The following ASTN2 variants were observed in gnomAD, a reference collection of about 807,000 sequenced individuals.
The protein encoded by ASTN2 is astrotactin-2.
ASTN2 carries 54 observed loss-of-function variants against 139.8 expected under a neutral mutation model. The observed-to-expected ratio is 0.39, with a 90% CI of 0.31 to 0.48. The LOEUF is 0.48. Among genes scored for constraint, ASTN2 ranks in the 20% least tolerant of loss-of-function variants. The probability of loss-of-function intolerance (pLI) is 0.95; values close to 1 mark genes in which losing one functional copy is unlikely to be tolerated. For missense variants in ASTN2, 1,565 were observed against 1,725.1 expected (o/e 0.91, Z 1.64); for synonymous variants, 756 against 719.5 (o/e 1.05, Z -0.81).
At chr9:116,664,269 C>T (rs982526173) in intron 16 of ASTN2, among the ~76,000 whole-genome samples, 1 of 151,696 alleles carries the variant, frequency 6.6e-6, no homozygotes, top group Non-Finnish European at 1.5e-5. Context: ...AATATAGGCA[C>T]AGGGCCTCAC....
chr9:117,366,702 T>C (rs1280553991), intron 1 of ASTN2, among the ~76,000 whole-genome samples: 3 of 152,122 alleles, frequency 2.0e-5, no homozygotes, highest in Non-Finnish European at 4.4e-5. Flanking sequence ...GGCTGCCCAC[T>C]GTGCCGCCCT....
chr9:116,883,202 G>C (rs12336175), intron 10 of ASTN2, among the ~76,000 whole-genome samples: 2 of 152,088 alleles, frequency 1.3e-5, no homozygotes, highest in African/African-American at 4.8e-5. Flanking sequence ...TCCTGTGAAA[G>C]TTTAAAATCA....
chr9:117,246,886 C>T (rs1833398098), intron 2 of ASTN2, among the ~76,000 whole-genome samples: 1 of 152,092 alleles, frequency 6.6e-6, no homozygotes, highest in East Asian at 1.9e-4. Flanking sequence ...CTATGAGCTC[C>T]TAGAATGGAG....
At chr9:117,328,305 T>C (rs1346741305) in intron 1 of ASTN2, among the ~76,000 whole-genome samples, 3 of 152,012 alleles carry the variant, frequency 2.0e-5, no homozygotes, top group East Asian at 3.9e-4. Flanking sequence ...CAGAGGAAGA[T>C]AGTATAGAAT....
chr9:116,883,166 A>G (rs556705136), intron 10 of ASTN2, among the ~76,000 whole-genome samples: 121 of 152,360 alleles, frequency 7.9e-4, no homozygotes, highest in Middle Eastern at 3.4e-3. Context: ...GATCATCAAC[A>G]TATGGTTCAT....
intron 10 of ASTN2, among the ~76,000 whole-genome samples, chr9:116,898,510 A>G (rs1313600662): frequency 1.3e-5 from 2 of 152,160 alleles, no homozygotes; most frequent in Non-Finnish European, 2.9e-5. Flanking sequence ...TTCAGTTCCA[A>G]GATTGACAAA....
intron 19 of ASTN2, among the ~76,000 whole-genome samples, chr9:116,576,022 A>T (rs1303141406): frequency 1.3e-5 from 2 of 152,188 alleles, no homozygotes; most frequent in African/African-American, 4.8e-5. Flanking sequence ...ACAAAGTAGC[A>T]GAATTATAAG....
chr9:116,976,274 T>C, intron 8 of ASTN2, 86 bp from the exon 9 acceptor site: 2 of 1,066,564 alleles, frequency 1.9e-6, no homozygotes, highest in Non-Finnish European at 2.9e-6. Flanking sequence ...AGAGTAGCTT[T>C]ACAAACAACC....
At chr9:116,967,950 G>A (rs1358825962) in intron 10 of ASTN2, among the ~76,000 whole-genome samples, 1 of 152,098 alleles carries the variant, frequency 6.6e-6, no homozygotes, top group Non-Finnish European at 1.5e-5. Flanking sequence ...TTTTAATCAC[G>A]GACACACTGC....
chr9:116,986,346 A>G (rs1310755357), intron 7 of ASTN2, among the ~76,000 whole-genome samples: 1 of 151,964 alleles, frequency 6.6e-6, no homozygotes, highest in Non-Finnish European at 1.5e-5. Context: ...ATTCCTCTAT[A>G]CCTGGCACAG....
chr9:116,477,035 A>C (rs1564303662), intron 20 of ASTN2, among the ~76,000 whole-genome samples: 37 of 138,994 alleles, frequency 2.7e-4, no homozygotes, highest in African/African-American at 5.2e-4. Flanking sequence ...CTCAGCTCCC[A>C]CCCCCTCCCC....
chr9:116,673,253 G>A (rs1176958766), intron 16 of ASTN2, among the ~76,000 whole-genome samples: 1 of 152,118 alleles, frequency 6.6e-6, no homozygotes, highest in Non-Finnish European at 1.5e-5. Context: ...TGCTTTGTTT[G>A]TGGGTTTTGT....
intron 4 of ASTN2, among the ~76,000 whole-genome samples, chr9:117,129,375 A>C (rs758662887): frequency 6.6e-6 from 1 of 152,320 alleles, no homozygotes; most frequent in Non-Finnish European, 1.5e-5. Context: ...CAGACAGATA[A>C]AAATTAAACT....
chr9:117,050,140 C>A (rs1838872787), intron 5 of ASTN2, among the ~76,000 whole-genome samples: 1 of 152,038 alleles, frequency 6.6e-6, no homozygotes, highest in African/African-American at 2.4e-5. Flanking sequence ...CAGCCCACAC[C>A]ACCGATGAAT....
chr9:117,189,441 C>T (rs150227409), intron 3 of ASTN2, among the ~76,000 whole-genome samples: 95 of 152,288 alleles, frequency 6.2e-4, no homozygotes, highest in Middle Eastern at 3.4e-3. Context: ...TCCCCACAAA[C>T]GCTGCATCCC....
intron 19 of ASTN2, among the ~76,000 whole-genome samples, chr9:116,521,201 G>A (rs909189017): frequency 1.3e-5 from 2 of 151,552 alleles, no homozygotes; most frequent in South Asian, 4.1e-4. Context: ...AGTAAAGCAA[G>A]ACTAAACAAC....
intron 10 of ASTN2, among the ~76,000 whole-genome samples, chr9:116,938,776 C>T (rs1161413881): frequency 1.3e-5 from 2 of 152,272 alleles, no homozygotes; most frequent in African/African-American, 4.8e-5. Flanking sequence ...TACACAGGGG[C>T]ATAATTCCAA....
At chr9:117,139,244 T>C (rs905360367) in intron 4 of ASTN2, among the ~76,000 whole-genome samples, 7 of 152,234 alleles carry the variant, frequency 4.6e-5, no homozygotes, top group African/African-American at 7.2e-5. Context: ...CCCTGATGCA[T>C]GCCATCTGAA....
chr9:117,050,212 C>G (rs1054300268), intron 5 of ASTN2, among the ~76,000 whole-genome samples: 1 of 152,100 alleles, frequency 6.6e-6, no homozygotes, highest in African/African-American at 2.4e-5. Flanking sequence ...AGCAAAAGAG[C>G]AGCCACAGTT....
Sources: gnomAD v4.1 joint callset for allele counts (sites outside exome capture counted in the v4.1 genomes callset) on GRCh38, gnomAD v4.1.1 for gene constraint, MANE v1.5 for transcripts, NCBI Gene and HGNC (gene_info 2026-07-23, HGNC 2026-07-21) for gene names.